ANKS6: variants seen among roughly 807,000 people sequenced by gnomAD.
ANKS6 encodes ankyrin repeat and SAM domain-containing protein 6.
In ANKS6, 47 loss-of-function variants were observed where a neutral mutation model predicts 77.9. The observed-to-expected ratio is 0.60, with a 90% CI of 0.48 to 0.77. The LOEUF (loss-of-function observed/expected upper bound fraction) is 0.77, where lower values mean the gene tolerates loss of function less well. ANKS6 is among the 30% of genes least tolerant of loss of function. The pLI, the probability that ANKS6 is intolerant of heterozygous loss-of-function variation, is 0.00. For missense variants in ANKS6, 1,150 were observed against 1,159.1 expected (o/e 0.99, Z 0.11); for synonymous variants, 488 against 501.7 (o/e 0.97, Z 0.37).
At position 98,736,486 on chromosome 9, in the gene ANKS6, G is replaced by C. The variant is rs776271928; in HGVS notation, c.*33C>G. ...CCACGTGAAGGGGTCCCGGGATTCA[G>C]AGAGCTCACGCTGGTGGCTGCGGGA... On this transcript the variant is annotated 3_prime_UTR_variant, in exon 15 of 15. Transcript: ENST00000353234. The C allele has an allele frequency of 6.3e-7, 1 of 1,579,472 alleles. No homozygotes were observed. Among genetic ancestry groups the C allele is most frequent in the Admixed American group, 1.8e-5 (1 of 56,950 alleles).
intron 13 of ANKS6, among the ~76,000 whole-genome samples, chr9:98,748,060 T>C (rs533437220): frequency 1.3e-5 from 2 of 152,338 alleles, no homozygotes; most frequent in East Asian, 3.9e-4. Context: ...CTGGCCCTCA[T>C]TTCATAGACC....
intron 14 of ANKS6, among the ~76,000 whole-genome samples, chr9:98,739,758 A>ATTTTTTTTTTTTTTTTTTTTTTTTTTT (rs749499336): frequency 1.1e-5 from 1 of 88,858 alleles, no homozygotes; most frequent in Non-Finnish European, 2.1e-5. Context: ...TGGATTAAAC[A>ATTTTTTTTTTTTTTTTTTTTTTTTTTT]TTTTTTTTTT....
chr9:98,734,017 C>G lies in ANKS6; in HGVS notation c.*2502G>C. ...AAGGACCAAAAATCAGAAAAACAAG[C>G]ACCCAACTGACCCCTCCTCCCTGAC... is the stretch of plus-strand genomic sequence containing the variant. On this transcript the variant is annotated 3_prime_UTR_variant, in exon 15 of 15. Transcript: ENST00000353234. 2 of 985,376 alleles carry G rather than the reference C, an allele frequency of 2.0e-6. No individual in the cohort carries two copies. Among genetic ancestry groups the G allele is most frequent in the Non-Finnish European group, 2.4e-6 (2 of 829,948 alleles). The allele number at this position is 985,376 out of a possible 1,614,324, so 61.0% of individuals were successfully genotyped here. A position where few individuals can be genotyped will look rare whatever the true frequency, so the allele number is the denominator to read the frequency against.
At chr9:98,779,664 G>GCTTTTTT (rs2118095665) in intron 6 of ANKS6, among the ~76,000 whole-genome samples, 1 of 151,632 alleles carries the variant, frequency 6.6e-6, no homozygotes, top group African/African-American at 2.4e-5. Flanking sequence ...CCAGGCTCAA[G>GCTTTTTT]CTTTTTTCTT....
intron 14 of ANKS6, among the ~76,000 whole-genome samples, chr9:98,741,741 T>G (rs1423963622): frequency 6.6e-6 from 1 of 152,204 alleles, no homozygotes. Context: ...TGGGGTGGGT[T>G]CATCTGGAAG....
At chr9:98,749,794 C>T (rs2117877256) in intron 13 of ANKS6, among the ~76,000 whole-genome samples, 2 of 152,246 alleles carry the variant, frequency 1.3e-5, no homozygotes, top group South Asian at 2.1e-4. Flanking sequence ...AGCTACGCGC[C>T]CTATTTGTTT....
intron 7 of ANKS6, 96 bp downstream of exon 7, chr9:98,778,130 T>C: frequency 7.1e-7 from 1 of 1,407,648 alleles, no homozygotes; most frequent in South Asian, 1.4e-5. Flanking sequence ...CAACATCATC[T>C]TACCCCTGAC....
chr9:98,786,585 T>C (rs2118147304), intron 2 of ANKS6, among the ~76,000 whole-genome samples: 1 of 152,282 alleles, frequency 6.6e-6, no homozygotes, highest in South Asian at 2.1e-4. Flanking sequence ...CCACCACACC[T>C]GGCCAGAATC....
chr9:98,789,379 T>A (rs947511751), intron 2 of ANKS6, among the ~76,000 whole-genome samples: 7 of 141,410 alleles, frequency 5.0e-5, no homozygotes, highest in Non-Finnish European at 7.5e-5. Flanking sequence ...GCAGATTTGC[T>A]AAGGATTGTT....
chr9:98,746,582 C>CTT (rs71496901), intron 13 of ANKS6, among the ~76,000 whole-genome samples: 2,738 of 133,266 alleles, frequency 0.021, 87 homozygotes, highest in African/African-American at 0.065. Context: ...GCACAGAGAG[C>CTT]TTTTTTTTTT....
At chr9:98,765,669 C>T (rs1002486237) in intron 11 of ANKS6, among the ~76,000 whole-genome samples, 4 of 152,128 alleles carry the variant, frequency 2.6e-5, no homozygotes, top group African/African-American at 7.2e-5. Context: ...GAATAGAAAG[C>T]TGATATATCT....
Position 98,745,687 on chromosome 9 carries a change from G to C in ANKS6, c.2395-12C>G, listed in dbSNP as rs768632416. On this transcript the variant is annotated splice_polypyrimidine_tract_variant and intron_variant, in intron 13 of 14. Coordinates refer to ENST00000353234, the MANE Select transcript of ANKS6 (RefSeq NM_173551.5). ...GCTTCCATGTCCACCTGGGGAGAGA[G>C]AGGGGATTTGCCACCATCTGCTGGA... The C allele has an allele frequency of 2.5e-6, 4 of 1,604,942 alleles. No individual in the cohort carries two copies. The highest frequency in any genetic ancestry group is 2.2e-5 in the East Asian group (1 of 44,856).
At chr9:98,783,931 A>G in intron 4 of ANKS6, 22 bp downstream of exon 4, 1 of 1,523,886 alleles carries the variant, frequency 6.6e-7, no homozygotes, top group Non-Finnish European at 8.8e-7. Flanking sequence ...CTTGTCGCTG[A>G]GGGCGTGGGG....
At chr9:98,745,285 G>C (rs1832060078) in intron 14 of ANKS6, among the ~76,000 whole-genome samples, 1 of 152,142 alleles carries the variant, frequency 6.6e-6, no homozygotes, top group African/African-American at 2.4e-5. Context: ...CTGATCCCAG[G>C]GCCTGTTTGA....
chr9:98,750,137 G>T (rs996900658), intron 13 of ANKS6, among the ~76,000 whole-genome samples: 4 of 152,072 alleles, frequency 2.6e-5, no homozygotes, highest in African/African-American at 9.7e-5. Flanking sequence ...AAAAGAAACC[G>T]TGTATCCATT....
intron 2 of ANKS6, 77 bp from the exon 3 acceptor site, chr9:98,784,953 C>A: frequency 7.6e-7 from 1 of 1,323,180 alleles, no homozygotes; most frequent in Non-Finnish European, 1.1e-6. Flanking sequence ...TGTAACAACA[C>A]AGCCTGGCTT....
At chr9:98,789,170 C>A (rs1299055471) in intron 2 of ANKS6, among the ~76,000 whole-genome samples, 3 of 151,548 alleles carry the variant, frequency 2.0e-5, no homozygotes, top group Non-Finnish European at 4.4e-5. Flanking sequence ...AGCCAATGTG[C>A]CTGAAGCTAC....
intron 1 of ANKS6, among the ~76,000 whole-genome samples, chr9:98,794,541 G>A (rs535778264): frequency 6.6e-6 from 1 of 152,340 alleles, no homozygotes; most frequent in Admixed American, 6.5e-5. Flanking sequence ...CACAGGCAGA[G>A]ATGCTACCTG....
Position 98,784,838 on chromosome 9 carries a change from T to C in ANKS6, c.901A>G (p.Lys301Glu). The C allele has an allele frequency of 4.3e-6, 7 of 1,613,232 alleles. No homozygotes were observed. The highest frequency in any genetic ancestry group is 5.9e-6 in the Non-Finnish European group (7 of 1,179,730). Reference sequence around the variant, plus strand: ...GATTTTCTAAAGCGCTTACCCATTTTCAATGCATGGAAAATATCAGGTCGC... The same window carrying C: ...GATTTTCTAAAGCGCTTACCCATTTCCAATGCATGGAAAATATCAGGTCGC... The part of the protein sequence containing the change: ...KRRPDIFHAL[K>E]MGNFQLVKEI... Residue 301 changes from lysine to glutamate, a missense_variant, in exon 3 of 15, where the codon AAA (lysine) becomes GAA (glutamate). Transcript: ENST00000353234.
Sources: allele counts gnomAD v4.1 joint callset (sites outside exome capture counted in the v4.1 genomes callset), GRCh38; gene constraint gnomAD v4.1.1; transcripts MANE v1.5; gene names NCBI Gene and HGNC (gene_info 2026-07-23, HGNC 2026-07-21).